BICC1: variants seen among roughly 807,000 people sequenced by gnomAD.
BICC1 encodes BicC family RNA binding protein 1, also known as protein bicaudal C homolog 1.
Under a neutral mutation model 111.0 loss-of-function variants are expected in BICC1, and 43 were observed. The ratio of observed to expected loss-of-function variants is 0.39; its 90% confidence interval spans 0.30 to 0.50. The LOEUF (loss-of-function observed/expected upper bound fraction) is 0.50, where lower values mean the gene tolerates loss of function less well. Among genes scored for constraint, BICC1 ranks in the 20% least tolerant of loss-of-function variants. BICC1 has a pLI of 0.88. For missense variants in BICC1, 1,091 were observed against 1,203.2 expected, an observed-to-expected ratio of 0.91 and a Z score of 1.38; for synonymous variants, 467 against 434.4, an observed-to-expected ratio of 1.07 and a Z score of -0.93.
intron 1 of BICC1, among the ~76,000 whole-genome samples, chr10:58,616,809 C>A (rs1449321787): frequency 6.6e-6 from 1 of 152,234 alleles, no homozygotes; most frequent in Non-Finnish European, 1.5e-5. Flanking sequence ...TGGACTTTCA[C>A]AGTGTTGCTG....
chr10:58,529,986 G>A (rs75523638), intron 1 of BICC1, among the ~76,000 whole-genome samples: 2 of 150,660 alleles, frequency 1.3e-5, no homozygotes, highest in African/African-American at 4.9e-5. Flanking sequence ...TAAATCATTT[G>A]GGACTAGTGA....
chr10:58,802,196 T>G (rs964023053), intron 14 of BICC1, among the ~76,000 whole-genome samples: 4 of 152,198 alleles, frequency 2.6e-5, no homozygotes, highest in African/African-American at 9.6e-5. Flanking sequence ...CTCCTGACCT[T>G]TGGCACCAGA....
intron 3 of BICC1, chr10:58,715,863 G>A (rs1685341035): frequency 8.3e-7 from 1 of 1,203,586 alleles, no homozygotes; most frequent in Non-Finnish European, 1.2e-6. Flanking sequence ...AATCTGATAG[G>A]TATTCATCTT....
rs117507907 is a variant in BICC1, at chr10:58,784,594, T to G, written c.308-407T>G. Among the ~76,000 whole-genome samples, 663 of 152,298 alleles carry G rather than the reference T, an allele frequency of 4.4e-3. 3 individuals carry two copies. The highest frequency in any genetic ancestry group is 8.1e-3 in the Non-Finnish European group (548 of 68,024). On this transcript the variant is annotated intron_variant, in intron 3 of 20. Coordinates refer to ENST00000373886, the MANE Select transcript of BICC1 (RefSeq NM_001080512.3). ...TTAGTTTCCTCTGTAAACAACGTCA[T>G]GAATCTGTGCTGTGGATTAAGTGAA... is the stretch of plus-strand genomic sequence containing the variant.
intron 3 of BICC1, among the ~76,000 whole-genome samples, chr10:58,769,312 A>ACACG (rs1842548050): frequency 6.7e-6 from 1 of 150,344 alleles, no homozygotes; most frequent in African/African-American, 2.4e-5. Context: ...ACACACATGC[A>ACACG]CACGCACAGA....
At chr10:58,646,979 T>C (rs1838288937) in intron 2 of BICC1, among the ~76,000 whole-genome samples, 1 of 152,122 alleles carries the variant, frequency 6.6e-6, no homozygotes, top group Non-Finnish European at 1.5e-5. Context: ...AGAAAAAAAT[T>C]ACAGAAAAAT....
intron 2 of BICC1, among the ~76,000 whole-genome samples, chr10:58,700,814 A>G (rs1840210692): frequency 6.6e-6 from 1 of 152,178 alleles, no homozygotes; most frequent in Admixed American, 6.5e-5. Flanking sequence ...GTGCCAGCCA[A>G]GCATTGCCAT....
In BICC1 at chr10:58,786,892, CA is replaced by C. The variant is rs139602546; in HGVS notation, c.388-30del. 3,342 of 1,502,348 alleles carry C rather than the reference CA, an allele frequency of 2.2e-3. 67 individuals are homozygous for C. The African/African-American group carries it at 0.042, about 19-fold the overall frequency. The allele number at this position is 1,502,348 out of a possible 1,614,324, so 93.1% of individuals were successfully genotyped here. A position where few individuals can be genotyped will look rare whatever the true frequency, so the allele number is the denominator to read the frequency against. On this transcript the variant is annotated intron_variant, in intron 4 of 20. Coordinates refer to ENST00000373886, the MANE Select transcript of BICC1 (RefSeq NM_001080512.3). ...GGAGGTCATTCTTTCCTTTTGCATA[CA>C]TCAAGTAATAATACATTATTTTCAC...
rs192522849 is a variant in BICC1 at position 58,645,210 on chromosome 10, C to G, written c.237+24309C>G. Among the ~76,000 whole-genome samples, 738 of 151,930 alleles carry G rather than the reference C, an allele frequency of 4.9e-3. 7 individuals are homozygous for G. The Middle Eastern group carries it at 0.058, about 12-fold the overall frequency. On this transcript the variant is annotated intron_variant, in intron 2 of 20. Transcript: ENST00000373886. ...GGATCACGAGGTCAGGAGATCGAGACCATCCTGACTAACTCGGTGAAACTT... is the reference window on the plus strand; with the variant it reads ...GGATCACGAGGTCAGGAGATCGAGAGCATCCTGACTAACTCGGTGAAACTT...
intron 2 of BICC1, among the ~76,000 whole-genome samples, chr10:58,683,378 A>G (rs1214050739): frequency 2.6e-5 from 4 of 151,900 alleles, no homozygotes; most frequent in African/African-American, 9.7e-5. Flanking sequence ...TCTTTTTTGG[A>G]TCCATATGAA....
intron 2 of BICC1, among the ~76,000 whole-genome samples, chr10:58,699,405 G>A (rs1840162225): frequency 6.6e-6 from 1 of 152,148 alleles, no homozygotes; most frequent in Non-Finnish European, 1.5e-5. Context: ...ATTTTCTCTG[G>A]CATATTATTT....
chr10:58,690,946 G>A (rs887913450), intron 2 of BICC1, among the ~76,000 whole-genome samples: 8 of 152,070 alleles, frequency 5.3e-5, no homozygotes, highest in African/African-American at 1.4e-4. Flanking sequence ...TACTATTTCC[G>A]TTCCTCCCCC....
At chr10:58,523,783 A>G (rs1334857842) in intron 1 of BICC1, among the ~76,000 whole-genome samples, 1 of 152,192 alleles carries the variant, frequency 6.6e-6, no homozygotes, top group Non-Finnish European at 1.5e-5. Flanking sequence ...TGCAGATGAC[A>G]TGATTGTATA....
chr10:58,806,681 T>C (rs886393637), intron 16 of BICC1, 58 bp downstream of exon 16: 1 of 1,401,622 alleles, frequency 7.1e-7, no homozygotes, highest in Non-Finnish European at 1.0e-6. Flanking sequence ...CATAAATGTT[T>C]TTTGAGTACT....
At chr10:58,526,181 A>T (rs928032092) in intron 1 of BICC1, among the ~76,000 whole-genome samples, 1 of 151,868 alleles carries the variant, frequency 6.6e-6, no homozygotes, top group Non-Finnish European at 1.5e-5. Context: ...ACAGATGCCC[A>T]TTGGGATCTG....
intron 3 of BICC1, among the ~76,000 whole-genome samples, chr10:58,741,151 C>T (rs1280975480): frequency 1.3e-5 from 2 of 152,164 alleles, no homozygotes; most frequent in Admixed American, 1.3e-4. Context: ...GGAGAATCAC[C>T]TGAAGAGGGC....
intron 2 of BICC1, among the ~76,000 whole-genome samples, chr10:58,622,793 A>G (rs1039098494): frequency 3.3e-5 from 5 of 152,204 alleles, no homozygotes; most frequent in Non-Finnish European, 5.9e-5. Flanking sequence ...GAAATACTGA[A>G]TTGTCCTCCA....
At chr10:58,555,792 C>A (rs1040823840) in intron 1 of BICC1, among the ~76,000 whole-genome samples, 8 of 152,078 alleles carry the variant, frequency 5.3e-5, no homozygotes, top group Non-Finnish European at 7.4e-5. Context: ...GACTTCAAAG[C>A]CTTTAACTTG....
rs181514155 is a variant in BICC1 at position 58,529,817 on chromosome 10, G to A, written c.190+16484G>A. On this transcript the variant is annotated intron_variant, in intron 1 of 20. Transcript: ENST00000373886. ...ACCTTCAAAAATATATTTACTATCAGTAAATGGATATCTGAGATGCATTAT... is the reference window on the plus strand; with the variant it reads ...ACCTTCAAAAATATATTTACTATCAATAAATGGATATCTGAGATGCATTAT... Among the ~76,000 whole-genome samples the A allele has an allele frequency of 5.9e-5, 9 of 151,922 alleles. No individual in the cohort carries two copies. In the East Asian group the frequency reaches 1.6e-3, roughly 26 times the overall value.
Sources: allele counts gnomAD v4.1 joint callset (sites outside exome capture counted in the v4.1 genomes callset), GRCh38; gene constraint gnomAD v4.1.1; transcripts MANE v1.5; gene names NCBI Gene and HGNC (gene_info 2026-07-23, HGNC 2026-07-21).